Variants in STON2 observed in about 807,000 individuals in gnomAD.
STON2 encodes stonin 2.
STON2 carries 29 observed loss-of-function variants against 65.7 expected under a neutral mutation model. That is an observed-to-expected ratio of 0.44 (90% CI 0.33 to 0.60). The LOEUF is 0.60. Among genes scored for constraint, STON2 ranks in the 20% least tolerant of loss-of-function variants. STON2 has a pLI of 0.03. For synonymous variants in STON2, 404 were observed against 414.2 expected, an observed-to-expected ratio of 0.98 and a Z score of 0.30; for missense variants, 1,054 against 1,118.1, an observed-to-expected ratio of 0.94 and a Z score of 0.82.
intron 4 of STON2, among the ~76,000 whole-genome samples, chr14:81,326,395 C>T (rs182399203): frequency 2.4e-4 from 37 of 152,268 alleles, no homozygotes; most frequent in Non-Finnish European, 8.8e-5. Context: ...GAGATTGGCT[C>T]ATACAACCCC....
intron 4 of STON2, among the ~76,000 whole-genome samples, chr14:81,336,123 C>G (rs963869905): frequency 6.6e-6 from 1 of 152,090 alleles, no homozygotes. Context: ...GCAAGTGAAG[C>G]CAGGGGATTC....
At chr14:81,300,928 A>G (rs1413831530) in intron 5 of STON2, among the ~76,000 whole-genome samples, 1 of 152,204 alleles carries the variant, frequency 6.6e-6, no homozygotes, top group African/African-American at 2.4e-5. Flanking sequence ...AAACACCCCA[A>G]ATGCCTATCA....
In STON2 at chr14:81,397,021, G is replaced by A. The variant is rs546211948; in HGVS notation, c.89-843C>T. Among the ~76,000 whole-genome samples the A allele has an allele frequency of 2.6e-5, 4 of 152,262 alleles. No homozygotes were observed. In the South Asian group the frequency reaches 6.2e-4, roughly 24 times the overall value. On this transcript the variant is annotated intron_variant, in intron 2 of 7. Coordinates refer to ENST00000614646, the MANE Select transcript of STON2 (RefSeq NM_001394390.1). Reference sequence around the variant, plus strand: ...TGCAGTGAGCTGAGACTGCACCACTGCACTCCAGCCTGGGCAACAAGAGCG... The same window carrying A: ...TGCAGTGAGCTGAGACTGCACCACTACACTCCAGCCTGGGCAACAAGAGCG...
chr14:81,277,748 T>G lies in STON2; in HGVS notation c.1734A>C (p.Thr578=). The G allele has an allele frequency of 1.2e-6, 2 of 1,614,216 alleles. No homozygotes were observed. The highest frequency in any genetic ancestry group is 1.7e-6 in the Non-Finnish European group (2 of 1,180,034). Residue 578 remains threonine (T), a synonymous_variant, in exon 6 of 8, where the codon ACA becomes ACC. Transcript: ENST00000614646. Reference sequence around the variant, plus strand: ...GCTTAATCACCTGTTCCCTCTCTGCTGTGTGGGCCACAGCAGGTTTGGGCT... The same window carrying G: ...GCTTAATCACCTGTTCCCTCTCTGCGGTGTGGGCCACAGCAGGTTTGGGCT... ...KYQPKPAVAH[T]AEREQVIKLG... is the part of the protein sequence containing the mutation.
intron 3 of STON2, among the ~76,000 whole-genome samples, chr14:81,391,205 T>C (rs1028776705): frequency 1.3e-5 from 2 of 152,236 alleles, no homozygotes; most frequent in Non-Finnish European, 2.9e-5. Context: ...CAGCTTAGTA[T>C]TACTGGAAGA....
chr14:81,371,062 C>T lies in STON2; in HGVS notation c.497G>A (p.Cys166Tyr), dbSNP rs540069601. The change falls in exon 4 of 8, where the codon TGT becomes TAT. Residue 166 changes from cysteine (C) to tyrosine (Y), a missense_variant. Physicochemically the swap from Cys to Tyr is radical, Grantham distance 194 (BLOSUM62 -2). Transcript: ENST00000614646. The part of the protein sequence containing the change: ...SEDTSSPSFG[C>Y]SYTDLQLINA... ...GATGAGCTGCAGATCTGTATACGAACATCCAAAGCTAGGACTGCTGGTGTC... is the reference window on the plus strand; with the variant it reads ...GATGAGCTGCAGATCTGTATACGAATATCCAAAGCTAGGACTGCTGGTGTC... 1 of 1,613,986 alleles carries T rather than the reference C, an allele frequency of 6.2e-7. No individual in the cohort carries two copies. The highest frequency in any genetic ancestry group is 1.7e-5 in the Admixed American group (1 of 60,016).
At chr14:81,402,752 T>A (rs1254128166), upstream of STON2, among the ~76,000 whole-genome samples, 2 of 152,204 alleles carry the variant, frequency 1.3e-5, no homozygotes, top group Non-Finnish European at 2.9e-5. Flanking sequence ...CCTCATGATC[T>A]CTCACGCAGA....
chr14:81,402,029 TTC>T (rs1461468253), upstream of STON2, among the ~76,000 whole-genome samples: 1 of 152,110 alleles, frequency 6.6e-6, no homozygotes, highest in East Asian at 1.9e-4. Flanking sequence ...CAAGGTGTGT[TTC>T]TGTCTGAACA....
At chr14:81,348,957 T>G (rs896198531) in intron 4 of STON2, among the ~76,000 whole-genome samples, 1 of 152,146 alleles carries the variant, frequency 6.6e-6, no homozygotes, top group African/African-American at 2.4e-5. Context: ...GCCAGCTGAC[T>G]TTCAACAAAG....
chr14:81,270,390 T>C, intron 7 of STON2: 2 of 1,387,116 alleles, frequency 1.4e-6, no homozygotes, highest in Non-Finnish European at 1.9e-6. Context: ...TGGCCCCCAT[T>C]ATTCTTTTTG....
At chr14:81,410,419 G>C (rs1432395815) in intron 2 of STON2, among the ~76,000 whole-genome samples, 1 of 151,742 alleles carries the variant, frequency 6.6e-6, no homozygotes, top group East Asian at 1.9e-4. Flanking sequence ...TTTTACAGAT[G>C]CAATTAAGGT....
intron 4 of STON2, among the ~76,000 whole-genome samples, chr14:81,365,480 G>A (rs909700324): frequency 3.3e-5 from 5 of 152,180 alleles, no homozygotes; most frequent in African/African-American, 7.2e-5. Flanking sequence ...GCCTGGACAG[G>A]TGCAGTGGCT....
At chr14:81,359,509 A>G (rs770628141) in intron 4 of STON2, among the ~76,000 whole-genome samples, 1 of 152,204 alleles carries the variant, frequency 6.6e-6, no homozygotes, top group Non-Finnish European at 1.5e-5. Context: ...CAATGTCAAT[A>G]GAAAAAAGAA....
chr14:81,262,086 A>G lies in STON2; in HGVS notation c.*6328T>C. ...AGGTGGCACCAATGGATATTTTGTA[A>G]AATAACCCACAACTTTAGAGCTGGA... On this transcript the variant is annotated 3_prime_UTR_variant, in exon 8 of 8. Transcript: ENST00000614646. The G allele has an allele frequency of 2.0e-6, 2 of 985,442 alleles. No homozygotes were observed. Among genetic ancestry groups the G allele is most frequent in the Non-Finnish European group, 2.4e-6 (2 of 829,918 alleles). 61.0% of individuals were successfully genotyped at this position (985,442 alleles called of 1,614,324 possible).
chr14:81,398,759 A>G (rs957244808), intron 1 of STON2, among the ~76,000 whole-genome samples, 179 bp from the exon 2 acceptor site: 2 of 152,174 alleles, frequency 1.3e-5, no homozygotes, highest in African/African-American at 4.8e-5. Flanking sequence ...GTCTGTCTTT[A>G]GCATCAAGGT....
At position 81,266,712 on chromosome 14, in the gene STON2, TTC is replaced by T. The variant is rs1894370319; in HGVS notation, c.*1700_*1701del. 1 of 985,272 alleles carries T rather than the reference TTC, an allele frequency of 1.0e-6. No individual in the cohort carries two copies. The highest frequency in any genetic ancestry group is 1.7e-5 in the African/African-American group (1 of 57,230). The allele number at this position is 985,272 out of a possible 1,614,324, so 61.0% of individuals were successfully genotyped here. A position where few individuals can be genotyped will look rare whatever the true frequency, so the allele number is the denominator to read the frequency against. The stretch of plus-strand genomic sequence containing the variant: ...AGCTTTGTGAATAGCCATGATATAT[TTC>T]TGATTCAACATTGAACCTCCATTTC... On this transcript the variant is annotated 3_prime_UTR_variant, in exon 8 of 8. Coordinates refer to ENST00000614646, the MANE Select transcript of STON2 (RefSeq NM_001394390.1).
chr14:81,404,571 C>T (rs898714834), upstream of STON2, among the ~76,000 whole-genome samples: 2 of 152,330 alleles, frequency 1.3e-5, no homozygotes, highest in East Asian at 1.9e-4. Flanking sequence ...GGCACTATCA[C>T]AGCTCACTAC....
intron 4 of STON2, among the ~76,000 whole-genome samples, chr14:81,344,934 T>A (rs1897755661): frequency 6.6e-6 from 1 of 152,238 alleles, no homozygotes; most frequent in Non-Finnish European, 1.5e-5. Flanking sequence ...TGGGATAAAC[T>A]AATCCCTTGG....
chr14:81,278,412 G>A lies in STON2; in HGVS notation c.1070C>T (p.Thr357Met), dbSNP rs201611443. 4.3e-5 allele frequency: 70 copies of A among 1,614,096 alleles called. No homozygotes were observed. Among genetic ancestry groups the A allele is most frequent in the South Asian group, 7.7e-5 (7 of 91,086 alleles). The change falls in exon 6 of 8, where the codon ACG (threonine) becomes ATG (methionine). Residue 357 changes from threonine (T) to methionine (M), a missense_variant. Transcript: ENST00000614646. ...QKLDISSLNR[T>M]PSVTEASPWR... is the part of the protein sequence containing the mutation. ...AGGTGAAGCCTCAGTTACAGAAGGCGTGCGGTTTAAAGAGGAAATATCCAG... is the reference window on the plus strand; with the variant it reads ...AGGTGAAGCCTCAGTTACAGAAGGCATGCGGTTTAAAGAGGAAATATCCAG...
Sources: allele counts gnomAD v4.1 joint callset (sites outside exome capture counted in the v4.1 genomes callset), GRCh38; gene constraint gnomAD v4.1.1; transcripts MANE v1.5; gene names NCBI Gene and HGNC (gene_info 2026-07-23, HGNC 2026-07-21).